The following VKORC1L1 variants were observed in gnomAD, a reference collection of about 807,000 sequenced individuals.
The protein encoded by VKORC1L1 is vitamin K epoxide reductase complex subunit 1-like protein 1.
A neutral mutation model predicts 18.9 loss-of-function variants in VKORC1L1; 2 were observed. The ratio of observed to expected loss-of-function variants is 0.11; its 90% CI spans 0.04 to 0.33. The LOEUF is 0.33. VKORC1L1 is among the 10% of genes least tolerant of loss of function. VKORC1L1 has a pLI of 1.00. For synonymous variants in VKORC1L1, 96 were observed against 100.0 expected (o/e 0.96, Z 0.24); for missense variants, 123 against 224.1 (o/e 0.55, Z 2.88).
At chr7:65,954,014 A>T in intron 2 of VKORC1L1, 60 bp from the exon 3 acceptor site, 2 of 1,465,318 alleles carry the variant, frequency 1.4e-6, no homozygotes. Context: ...ATTCCTTGTC[A>T]CTCAGAAAGC....
chr7:65,872,466 C>G (rs1237313645), upstream of VKORC1L1, among the ~76,000 whole-genome samples: 4 of 151,706 alleles, frequency 2.6e-5, no homozygotes, highest in Non-Finnish European at 5.9e-5. Context: ...GCGCCCACCA[C>G]GACACCGGGC....
At chr7:65,870,951 T>C (rs1788718450), upstream of VKORC1L1, among the ~76,000 whole-genome samples, 1 of 152,028 alleles carries the variant, frequency 6.6e-6, no homozygotes, top group Non-Finnish European at 1.5e-5. Context: ...ACCTTGCTAA[T>C]TTTGTATATA....
chr7:65,889,857 AT>A (rs754098944), intron 1 of VKORC1L1, among the ~76,000 whole-genome samples: 1 of 152,262 alleles, frequency 6.6e-6, no homozygotes, highest in East Asian at 1.9e-4. Flanking sequence ...ATTTTGTGAG[AT>A]TCACCTGTGT....
intron 1 of VKORC1L1, among the ~76,000 whole-genome samples, chr7:65,890,185 C>T (rs1789088463): frequency 7.0e-6 from 1 of 143,062 alleles, no homozygotes; most frequent in South Asian, 2.2e-4. Flanking sequence ...GGCTGGAGTG[C>T]AGTGGTGTGA....
At chr7:65,926,440 C>T (rs193137532) in intron 1 of VKORC1L1, among the ~76,000 whole-genome samples, 9 of 152,284 alleles carry the variant, frequency 5.9e-5, no homozygotes, top group Admixed American at 5.9e-4. Context: ...ATGCATGAGC[C>T]ACCACACTTA....
chr7:65,945,603 A>T (rs1054928642), intron 1 of VKORC1L1, among the ~76,000 whole-genome samples: 3 of 149,884 alleles, frequency 2.0e-5, no homozygotes, highest in African/African-American at 7.4e-5. Context: ...CACGAATGAG[A>T]CTCCGTCTCA....
At chr7:65,889,466 T>C (rs890186328) in intron 1 of VKORC1L1, among the ~76,000 whole-genome samples, 4 of 152,182 alleles carry the variant, frequency 2.6e-5, no homozygotes, top group African/African-American at 9.7e-5. Context: ...CTTCCTCCCC[T>C]CCCCCACCAA....
chr7:65,892,998 A>G (rs1232054178), intron 1 of VKORC1L1, among the ~76,000 whole-genome samples: 2 of 152,216 alleles, frequency 1.3e-5, no homozygotes, highest in Admixed American at 6.5e-5. Context: ...CAAGTGTACA[A>G]TAGGGTTTTC....
intron 2 of VKORC1L1, among the ~76,000 whole-genome samples, chr7:65,950,563 T>C (rs1434772341): frequency 6.6e-6 from 1 of 152,218 alleles, no homozygotes; most frequent in Non-Finnish European, 1.5e-5. Flanking sequence ...CATATCTATG[T>C]ATTTATCTTG....
At chr7:65,944,249 T>A (rs1353778834) in intron 1 of VKORC1L1, among the ~76,000 whole-genome samples, 1 of 151,818 alleles carries the variant, frequency 6.6e-6, no homozygotes, top group Non-Finnish European at 1.5e-5. Flanking sequence ...GAGCCTGTAA[T>A]CCCAGCTACT....
chr7:65,897,809 A>C (rs1789241253), intron 1 of VKORC1L1, among the ~76,000 whole-genome samples: 1 of 152,078 alleles, frequency 6.6e-6, no homozygotes, highest in African/African-American at 2.4e-5. Flanking sequence ...TTCAATACAC[A>C]TTTTAATATA....
chr7:65,907,888 T>G (rs115002431), intron 1 of VKORC1L1, among the ~76,000 whole-genome samples: 18,855 of 152,092 alleles, frequency 0.12, 1,321 homozygotes, highest in Middle Eastern at 0.21. Flanking sequence ...TCATCAGTTT[T>G]TTTTTTTCCC....
At chr7:65,950,167 T>C (rs1790189643) in intron 2 of VKORC1L1, among the ~76,000 whole-genome samples, 2 of 152,178 alleles carry the variant, frequency 1.3e-5, no homozygotes, top group Admixed American at 6.5e-5. Context: ...TACTTTAATT[T>C]TTACTCTTTT....
intron 1 of VKORC1L1, among the ~76,000 whole-genome samples, chr7:65,889,948 C>CT (rs1789083024): frequency 6.7e-6 from 1 of 148,236 alleles, no homozygotes; most frequent in Non-Finnish European, 1.5e-5. Context: ...TATATTCATT[C>CT]TCTCTCTTTT....
At chr7:65,875,677 A>T in intron 1 of VKORC1L1, among the ~76,000 whole-genome samples, 1 of 132,480 alleles carries the variant, frequency 7.5e-6, no homozygotes, top group South Asian at 3.1e-4. Context: ...TCGGCCTCCC[A>T]AAGTGCTGGG....
upstream of VKORC1L1, among the ~76,000 whole-genome samples, chr7:65,869,616 CAG>C (rs1243383767): frequency 1.4e-5 from 2 of 141,876 alleles, no homozygotes; most frequent in Admixed American, 7.3e-5. Context: ...CTTCAGATAA[CAG>C]AGGGCAAAAC....
chr7:65,922,132 T>C (rs1789685997), intron 1 of VKORC1L1, among the ~76,000 whole-genome samples: 1 of 152,190 alleles, frequency 6.6e-6, no homozygotes, highest in Non-Finnish European at 1.5e-5. Context: ...TTTGTCATTA[T>C]TGTCATTTAT....
chr7:65,952,817 A>G (rs569546838), intron 2 of VKORC1L1, among the ~76,000 whole-genome samples: 2 of 111,940 alleles, frequency 1.8e-5, no homozygotes, highest in East Asian at 5.3e-4. Flanking sequence ...CAGAGTTAAG[A>G]CTCTGTCGCC....
intron 1 of VKORC1L1, among the ~76,000 whole-genome samples, chr7:65,887,779 T>C (rs1037023565): frequency 6.6e-6 from 1 of 152,220 alleles, no homozygotes; most frequent in African/African-American, 2.4e-5. Flanking sequence ...GAATGTATTG[T>C]GATTTATGAA....
Sources: allele counts gnomAD v4.1 joint callset (sites outside exome capture counted in the v4.1 genomes callset), GRCh38; gene constraint gnomAD v4.1.1; transcripts MANE v1.5; gene names NCBI Gene and HGNC (gene_info 2026-07-23, HGNC 2026-07-21).